The following CACNA1A variants were observed in gnomAD, a reference collection of about 807,000 sequenced individuals.
The protein encoded by CACNA1A is voltage-dependent P/Q-type calcium channel subunit alpha-1A.
In CACNA1A, 57 loss-of-function variants were observed where a neutral mutation model predicts 262.4. The observed-to-expected ratio is 0.22, with a 90% CI of 0.18 to 0.27. The LOEUF is 0.27. Among genes scored for constraint, CACNA1A ranks in the 10% least tolerant of loss-of-function variants. CACNA1A has a pLI of 1.00. For synonymous variants in CACNA1A, 1,431 were observed against 1,419.3 expected (o/e 1.01, Z -0.18); for missense variants, 2,526 against 3,562.8 (o/e 0.71, Z 7.41).
At chr19:13,362,354 T>A (rs1293681665) in intron 5 of CACNA1A, 3 of 150,910 alleles carry the variant, frequency 2.0e-5, no homozygotes, top group African/African-American at 7.4e-5. Flanking sequence ...CACGCCACCA[T>A]GCCCGGCTAA....
At position 13,365,301 on chromosome 19, in the gene CACNA1A, T is replaced by A. The variant is rs1445259892; in HGVS notation, c.784+16A>T. 1 of 1,602,978 alleles carries A rather than the reference T, an allele frequency of 6.2e-7. No individual in the cohort carries two copies. On this transcript the variant is annotated intron_variant, in intron 5 of 46. Coordinates refer to ENST00000360228, the MANE Select transcript of CACNA1A (RefSeq NM_001127222.2). ...AGGAGAAAACTGGAAAGATGCATCATGCTCCGTGGACCTACCTGTCCCCTC... is the reference window on the plus strand; with the variant it reads ...AGGAGAAAACTGGAAAGATGCATCAAGCTCCGTGGACCTACCTGTCCCCTC...
At chr19:13,483,677 CA>C (rs1378333256) in intron 1 of CACNA1A, among the ~76,000 whole-genome samples, 6 of 152,094 alleles carry the variant, frequency 3.9e-5, no homozygotes, top group African/African-American at 1.4e-4. Context: ...GAGCCAGCTG[CA>C]AAAAGTAGAG....
At chr19:13,480,167 T>G (rs950870462) in intron 1 of CACNA1A, among the ~76,000 whole-genome samples, 4 of 152,232 alleles carry the variant, frequency 2.6e-5, no homozygotes, top group Non-Finnish European at 5.9e-5. Flanking sequence ...GGTCCACTTA[T>G]GTAGATTTGT....
At chr19:13,286,331 T>C (rs1183992540) in intron 20 of CACNA1A, among the ~76,000 whole-genome samples, 172 bp downstream of exon 20, 4 of 152,078 alleles carry the variant, frequency 2.6e-5, no homozygotes, top group Non-Finnish European at 4.4e-5. Context: ...ACAAATTATC[T>C]CACTGAACCC....
At position 13,212,399 on chromosome 19, in the gene CACNA1A, G is replaced by T; in HGVS notation, c.6174C>A (p.Ser2058Arg). 1 of 1,613,646 alleles carries T rather than the reference G, an allele frequency of 6.2e-7. No individual in the cohort carries two copies. Among genetic ancestry groups the T allele is most frequent in the South Asian group, 1.1e-5 (1 of 91,022 alleles). Residue 2058 changes from serine to arginine, a missense_variant, in exon 42 of 47, where the codon AGC becomes AGA. By Grantham distance (110) the Ser-to-Arg change is moderately radical. Coordinates refer to ENST00000360228, the MANE Select transcript of CACNA1A (RefSeq NM_001127222.2). The surrounding 1 kb of genome is among the most constrained non-coding windows in gnomAD (Gnocchi z 5.6). ...EQGPPTDMPN[S>R]QPNSQSVEMR... is the part of the protein sequence containing the mutation. ...ACAGAGGCACCTGAGAGTTAGGCTGGCTGTTGGGCATGTCGGTAGGGGGGC... is the reference window on the plus strand; with the variant it reads ...ACAGAGGCACCTGAGAGTTAGGCTGTCTGTTGGGCATGTCGGTAGGGGGGC...
chr19:13,247,330 G>A (rs533543343), intron 30 of CACNA1A, among the ~76,000 whole-genome samples: 5 of 152,342 alleles, frequency 3.3e-5, no homozygotes, highest in South Asian at 2.1e-4. Flanking sequence ...ATGAATGTGC[G>A]TCGCTGAGCA....
chr19:13,266,519 C>T (rs1036170913), intron 24 of CACNA1A, among the ~76,000 whole-genome samples: 4 of 152,144 alleles, frequency 2.6e-5, no homozygotes, highest in African/African-American at 9.7e-5. Context: ...GGGCATTCTG[C>T]ATCTCCTCAT....
intron 30 of CACNA1A, among the ~76,000 whole-genome samples, chr19:13,247,362 A>G (rs1046520549): frequency 6.6e-6 from 1 of 152,228 alleles, no homozygotes; most frequent in Non-Finnish European, 1.5e-5. Flanking sequence ...GTAGGTGCCC[A>G]ACAGATGGGA....
intron 24 of CACNA1A, chr19:13,271,766 A>ACT (rs1555748260): frequency 2.1e-5 from 3 of 139,658 alleles, no homozygotes; most frequent in East Asian, 2.2e-4. Context: ...CCTCCTCAGC[A>ACT]TTTTTTTTTT....
intron 1 of CACNA1A, among the ~76,000 whole-genome samples, chr19:13,456,813 T>C (rs2061018549): frequency 6.6e-6 from 1 of 152,218 alleles, no homozygotes; most frequent in Non-Finnish European, 1.5e-5. Flanking sequence ...AGGGTATTAG[T>C]GATCAGGGAA....
chr19:13,216,634 T>A (rs958562788), intron 38 of CACNA1A, among the ~76,000 whole-genome samples: 4 of 151,466 alleles, frequency 2.6e-5, no homozygotes, highest in African/African-American at 7.3e-5. Context: ...GGCCTATTAT[T>A]TTTTTTAAAA....
At chr19:13,221,268 G>C in intron 38 of CACNA1A, among the ~76,000 whole-genome samples, 2 of 25,716 alleles carry the variant, frequency 7.8e-5, no homozygotes, top group African/African-American at 2.0e-4. Context: ...GAGTCTTGCT[G>C]TGTCCCCCAG....
rs16054 is a variant in CACNA1A, at chr19:13,207,858, C to CCTG, written c.6973_6975dup (p.Gln2325dup). 0.039 allele frequency: 55,515 copies of CCTG among 1,431,176 alleles called. 435 individuals carry two copies. Among genetic ancestry groups the CCTG allele is most frequent in the East Asian group, 0.12 (4,092 of 34,366 alleles). 88.7% of individuals were successfully genotyped at this position (1,431,176 alleles called of 1,614,324 possible). A position where few individuals can be genotyped will look rare whatever the true frequency, so the allele number is the denominator to read the frequency against. On this transcript the variant is annotated inframe_insertion, in exon 47 of 47. Coordinates refer to ENST00000360228, the MANE Select transcript of CACNA1A (RefSeq NM_001127222.2). This position sits in a 1 kb window ranked among gnomAD's most constrained non-coding sequence, Gnocchi z 5.7. Reference sequence around the variant, plus strand: ...GCCGCCCGGCCCGGCCTGGCCACCGCCTGCTGCTGCTGCTGCTGCTGCTGC... The same window carrying CCTG: ...GCCGCCCGGCCCGGCCTGGCCACCGCCTGCTGCTGCTGCTGCTGCTGCTGCTGC...
intron 24 of CACNA1A, among the ~76,000 whole-genome samples, chr19:13,269,398 G>T (rs1014329514): frequency 1.3e-5 from 2 of 152,176 alleles, no homozygotes; most frequent in Non-Finnish European, 2.9e-5. Context: ...TGGGTATCTC[G>T]CACTCTAATC....
At position 13,207,684 on chromosome 19, in the gene CACNA1A, G is replaced by A. The variant is rs1292704035; in HGVS notation, c.7150C>T (p.Arg2384Ter). The A allele has an allele frequency of 7.0e-7, 1 of 1,420,410 alleles. No homozygotes were observed. The highest frequency in any genetic ancestry group is 9.2e-7 in the Non-Finnish European group (1 of 1,086,502). The allele number at this position is 1,420,410 out of a possible 1,614,324, so 88.0% of individuals were successfully genotyped here. A position where few individuals can be genotyped will look rare whatever the true frequency, so the allele number is the denominator to read the frequency against. The part of the protein sequence containing the change: ...PARSESPRAC[R>*]HGGARWPASG... ...GCCGGCCACCGGGCCCCGCCGTGTC[G>A]ACAGGCCCTGGGGGACTCGCTCCGG... The change falls in exon 47 of 47, where the codon CGA (arginine) becomes TGA (stop). Residue 2384 changes from arginine to a stop codon, truncating the protein, a stop_gained. Coordinates refer to ENST00000360228, the MANE Select transcript of CACNA1A (RefSeq NM_001127222.2). LOFTEE classifies it low-confidence loss of function (END_TRUNC). This position sits in a 1 kb window ranked among gnomAD's most constrained non-coding sequence, Gnocchi z 5.7.
At chr19:13,312,868 AT>A in intron 11 of CACNA1A, 87 bp from the exon 12 acceptor site, 1 of 627,818 alleles carries the variant, frequency 1.6e-6, no homozygotes. Flanking sequence ...TTTTATTATC[AT>A]TTTTAAACTT....
intron 3 of CACNA1A, among the ~76,000 whole-genome samples, chr19:13,445,190 C>A (rs972564456): frequency 6.6e-6 from 1 of 151,892 alleles, no homozygotes; most frequent in African/African-American, 2.4e-5. Flanking sequence ...AAAACAACAT[C>A]TTTCCCTGAT....
chr19:13,394,859 C>G (rs552724538), intron 3 of CACNA1A, among the ~76,000 whole-genome samples: 4 of 152,286 alleles, frequency 2.6e-5, no homozygotes, highest in Admixed American at 1.3e-4. Context: ...AACTAGAATC[C>G]CTCTTCCCTA....
At chr19:13,309,964 G>A (rs2057985856) in intron 12 of CACNA1A, among the ~76,000 whole-genome samples, 1 of 152,070 alleles carries the variant, frequency 6.6e-6, no homozygotes, top group Admixed American at 6.6e-5. Flanking sequence ...GTCCCCATGA[G>A]CAGTTACTCC....
Sources: gnomAD v4.1 joint callset for allele counts (sites outside exome capture counted in the v4.1 genomes callset) on GRCh38, gnomAD v4.1.1 for gene constraint, Gnocchi (gnomAD v3.1) non-coding constraint, MANE v1.5 for transcripts, NCBI Gene and HGNC (gene_info 2026-07-23, HGNC 2026-07-21) for gene names.